Variants in TGFB2 observed in about 807,000 individuals in gnomAD.
The protein encoded by TGFB2 is transforming growth factor beta-2 proprotein.
TGFB2 carries 13 observed loss-of-function variants against 42.7 expected under a neutral mutation model. The observed-to-expected ratio is 0.30, with a 90% CI of 0.20 to 0.48. The LOEUF (loss-of-function observed/expected upper bound fraction) is 0.48, where lower values mean the gene tolerates loss of function less well. TGFB2 is among the 20% of genes least tolerant of loss of function. TGFB2 has a pLI of 0.99. For synonymous variants in TGFB2, 193 were observed against 193.6 expected, an observed-to-expected ratio of 1.00 and a Z score of 0.03; for missense variants, 390 against 517.5, an observed-to-expected ratio of 0.75 and a Z score of 2.39.
chr1:218,377,390 A>G (rs186619667), intron 1 of TGFB2, among the ~76,000 whole-genome samples: 14 of 152,310 alleles, frequency 9.2e-5, no homozygotes, highest in South Asian at 2.1e-4. Context: ...ATTCTCAGAC[A>G]CTGAAATTCC....
chr1:218,405,459 G>A, intron 2 of TGFB2, 127 bp downstream of exon 2: 2 of 1,509,130 alleles, frequency 1.3e-6, no homozygotes, highest in Admixed American at 1.8e-5. Flanking sequence ...TGAACTCCTG[G>A]GTTCAAACGA....
At position 218,443,627 on chromosome 1, in the gene TGFB2, A is replaced by G. The variant is rs1336424419; in HGVS notation, c.*2265A>G. The stretch of plus-strand genomic sequence containing the variant: ...ACATTTTCCTCTCAGATAGGATGAC[A>G]TTTTGTTTTGTATTATTTTGTCTTT... On this transcript the variant is annotated 3_prime_UTR_variant, in exon 7 of 7. Coordinates refer to ENST00000366930, the MANE Select transcript of TGFB2 (RefSeq NM_003238.6). 2.0e-5 allele frequency: 3 copies of G among 151,078 alleles called. No individual in the cohort carries two copies. Among genetic ancestry groups the G allele is most frequent in the South Asian group, 2.1e-4 (1 of 4,812 alleles). The allele number at this position is 151,078 out of a possible 1,614,324, so 9.4% of individuals were successfully genotyped here.
At chr1:218,423,829 C>T (rs1659534737) in intron 2 of TGFB2, among the ~76,000 whole-genome samples, 1 of 152,180 alleles carries the variant, frequency 6.6e-6, no homozygotes, top group Non-Finnish European at 1.5e-5. Context: ...TGATGCTCTC[C>T]CTACTCCGTG....
intron 1 of TGFB2, among the ~76,000 whole-genome samples, chr1:218,360,659 G>A (rs972132615): frequency 6.6e-6 from 1 of 151,860 alleles, no homozygotes; most frequent in Admixed American, 6.6e-5. Flanking sequence ...CATGTATCCC[G>A]GAACTTAAAA....
intron 1 of TGFB2, among the ~76,000 whole-genome samples, chr1:218,386,815 T>C (rs960806980): frequency 1.4e-4 from 22 of 152,234 alleles, no homozygotes; most frequent in African/African-American, 5.3e-4. Flanking sequence ...GTTAATAATA[T>C]AAGCTTACGT....
intron 2 of TGFB2, among the ~76,000 whole-genome samples, chr1:218,408,165 C>A (rs548732827): frequency 1.3e-5 from 2 of 152,232 alleles, no homozygotes; most frequent in Admixed American, 1.3e-4. Context: ...CTGCTAAGTC[C>A]CTATTTTTCT....
intron 1 of TGFB2, among the ~76,000 whole-genome samples, chr1:218,366,450 G>A (rs748927599): frequency 2.0e-5 from 3 of 152,014 alleles, no homozygotes; most frequent in Non-Finnish European, 4.4e-5. Context: ...AGGACCACAA[G>A]TGTGCACCAC....
intron 1 of TGFB2, among the ~76,000 whole-genome samples, chr1:218,378,229 T>C (rs1571850677): frequency 6.6e-6 from 1 of 152,272 alleles, no homozygotes; most frequent in Non-Finnish European, 1.5e-5. Context: ...ACTCTATGAG[T>C]GCAATGGTGC....
At chr1:218,427,947 C>T (rs1659680033) in intron 2 of TGFB2, among the ~76,000 whole-genome samples, 1 of 152,164 alleles carries the variant, frequency 6.6e-6, no homozygotes, top group Non-Finnish European at 1.5e-5. Context: ...TACAGTCCCA[C>T]CAACAGTGTA....
At chr1:218,363,058 C>T (rs921743979) in intron 1 of TGFB2, among the ~76,000 whole-genome samples, 2 of 152,180 alleles carry the variant, frequency 1.3e-5, no homozygotes, top group Admixed American at 1.3e-4. Context: ...GTAAATTGTA[C>T]TCTGTTATTT....
chr1:218,390,078 C>A (rs1365094057), intron 1 of TGFB2, among the ~76,000 whole-genome samples: 3 of 152,152 alleles, frequency 2.0e-5, no homozygotes, highest in Non-Finnish European at 4.4e-5. Context: ...ATTTATAAAC[C>A]ACTGGCTTTA....
intron 2 of TGFB2, among the ~76,000 whole-genome samples, chr1:218,430,123 T>A (rs1659758972): frequency 1.3e-5 from 2 of 152,018 alleles, no homozygotes; most frequent in South Asian, 4.1e-4. Context: ...ATAAGATACA[T>A]AAAGAGGCCG....
chr1:218,376,851 C>T (rs1326656216), intron 1 of TGFB2, among the ~76,000 whole-genome samples: 7 of 152,174 alleles, frequency 4.6e-5, no homozygotes, highest in Non-Finnish European at 1.0e-4. Context: ...CATTTACAAG[C>T]AAAGTTCAAT....
At chr1:218,423,262 G>T (rs894079785) in intron 2 of TGFB2, among the ~76,000 whole-genome samples, 4 of 152,230 alleles carry the variant, frequency 2.6e-5, no homozygotes, top group Admixed American at 6.5e-5. Flanking sequence ...ATAAGGGTTT[G>T]TGGGGATTTA....
chr1:218,348,756 T>C lies in TGFB2; in HGVS notation c.346+1709T>C, dbSNP rs139761515. The stretch of plus-strand genomic sequence containing the variant: ...TTCAGTCAGTTTGCTTTCTCTAGCA[T>C]GTGCATCGGTTCTACCGGTATTTGG... On this transcript the variant is annotated intron_variant, in intron 1 of 6. Coordinates refer to ENST00000366930, the MANE Select transcript of TGFB2 (RefSeq NM_003238.6). Among the ~76,000 whole-genome samples the C allele has an allele frequency of 2.6e-3, 392 of 152,342 alleles. 3 individuals are homozygous for C. Among genetic ancestry groups the C allele is most frequent in the African/African-American group, 9.1e-3 (377 of 41,584 alleles).
chr1:218,377,610 T>G (rs984543723), intron 1 of TGFB2, among the ~76,000 whole-genome samples: 5 of 152,134 alleles, frequency 3.3e-5, no homozygotes, highest in African/African-American at 7.2e-5. Flanking sequence ...ATACTTATGC[T>G]TCCTCAGCAC....
chr1:218,368,200 A>G (rs900628950), intron 1 of TGFB2, among the ~76,000 whole-genome samples: 1 of 151,986 alleles, frequency 6.6e-6, no homozygotes. Context: ...GCTGGAGTAC[A>G]GCAGCGTGAT....
chr1:218,428,972 CTTTT>C (rs34950123), intron 2 of TGFB2, among the ~76,000 whole-genome samples: 25 of 95,874 alleles, frequency 2.6e-4, no homozygotes, highest in African/African-American at 5.1e-4. Flanking sequence ...CCATGAGCAT[CTTTT>C]TTTTTTTTTT....
intron 2 of TGFB2, among the ~76,000 whole-genome samples, chr1:218,415,732 A>G (rs1659256911): frequency 6.9e-6 from 1 of 145,728 alleles, no homozygotes; most frequent in Non-Finnish European, 1.5e-5. Flanking sequence ...AAAGTTGCAG[A>G]TGAGCATATC....
Sources: gnomAD v4.1 joint callset for allele counts (sites outside exome capture counted in the v4.1 genomes callset) on GRCh38, gnomAD v4.1.1 for gene constraint, MANE v1.5 for transcripts, NCBI Gene and HGNC (gene_info 2026-07-23, HGNC 2026-07-21) for gene names.